Variants in TAS2R1 observed in about 807,000 individuals in gnomAD.
TAS2R1 encodes taste receptor type 2 member 1.
For missense variants in TAS2R1, 370 were observed against 353.4 expected, an observed-to-expected ratio of 1.05 and a Z score of -0.38; for synonymous variants, 141 against 134.2, an observed-to-expected ratio of 1.05 and a Z score of -0.35.
chr5:9,879,212 G>A, the TAS2R1 span, among the ~76,000 whole-genome samples: 189 of 152,344 alleles, frequency 1.2e-3, 2 homozygotes, highest in African/African-American at 4.4e-3. Context: ...TGAACAAACT[G>A]TCAACATATT....
chr5:9,835,721 G>A, the TAS2R1 span, among the ~76,000 whole-genome samples: 1 of 152,128 alleles, frequency 6.6e-6, no homozygotes, highest in Admixed American at 6.5e-5. Flanking sequence ...AAGCCTGGGA[G>A]GGCCTGGGTT....
chr5:9,636,496 A>G (rs982992206), intron 2 of TAS2R1, among the ~76,000 whole-genome samples: 1 of 151,792 alleles, frequency 6.6e-6, no homozygotes, highest in African/African-American at 2.4e-5. Flanking sequence ...TTCTTTGTTG[A>G]CTTTCTGTCT....
the TAS2R1 span, among the ~76,000 whole-genome samples, chr5:9,842,168 T>C: frequency 1.1e-3 from 161 of 150,788 alleles, 2 homozygotes; most frequent in Non-Finnish European, 3.1e-4. Context: ...GTCCTTTGTT[T>C]TTTCTTAGTC....
the TAS2R1 span, among the ~76,000 whole-genome samples, chr5:9,850,359 T>C: frequency 2.6e-5 from 4 of 152,352 alleles, no homozygotes; most frequent in Admixed American, 6.5e-5. Context: ...TTTCAATTTA[T>C]GGCAAGCATT....
chr5:9,883,934 C>A, the TAS2R1 span: 3 of 152,302 alleles, frequency 2.0e-5, no homozygotes, highest in East Asian at 5.8e-4. Context: ...GTTCTGGAGG[C>A]TAGGCAGTCC....
chr5:9,885,114 C>T, the TAS2R1 span, among the ~76,000 whole-genome samples: 2 of 152,178 alleles, frequency 1.3e-5, no homozygotes, highest in African/African-American at 2.4e-5. Context: ...ATAAGTGACT[C>T]GCCCAAGGTC....
At chr5:9,695,706 G>C (rs1448361299) in intron 1 of TAS2R1, among the ~76,000 whole-genome samples, 1 of 152,074 alleles carries the variant, frequency 6.6e-6, no homozygotes, top group Non-Finnish European at 1.5e-5. Context: ...ACCAAACACT[G>C]AGAAAGTACT....
rs373699443 is a variant in TAS2R1, at chr5:9,686,929, G to T, written c.-242+25243C>A. 3.3e-5 allele frequency among the ~76,000 whole-genome samples: 5 copies of T among 152,108 alleles called. No individual in the cohort carries two copies. The East Asian group carries it at 9.7e-4, about 29-fold the overall frequency. On this transcript the variant is annotated intron_variant, in intron 1 of 2. Coordinates refer to the TAS2R1 transcript ENST00000506620. ...TTATAACTTGGTAACTGTACTTGTG[G>T]ATTATTTTATTTTCTTCTATGTGTC...
intron 1 of TAS2R1, among the ~76,000 whole-genome samples, chr5:9,710,231 C>T (rs1741702255): frequency 6.6e-6 from 1 of 152,024 alleles, no homozygotes; most frequent in Admixed American, 6.6e-5. Flanking sequence ...CTCCAACTCA[C>T]TGAGAGGATT....
the TAS2R1 span, among the ~76,000 whole-genome samples, chr5:9,726,078 G>C: frequency 6.6e-6 from 1 of 151,942 alleles, no homozygotes; most frequent in Non-Finnish European, 1.5e-5. Flanking sequence ...TAACTACTCT[G>C]GTGGGGCCTT....
At chr5:9,886,650 T>C in the TAS2R1 span, among the ~76,000 whole-genome samples, 2 of 152,126 alleles carry the variant, frequency 1.3e-5, no homozygotes, top group Non-Finnish European at 2.9e-5. Context: ...TATATAATTG[T>C]TAAAACAAGC....
chr5:9,703,348 T>A (rs41479), intron 1 of TAS2R1, among the ~76,000 whole-genome samples: 27,645 of 152,142 alleles, frequency 0.18, 3,125 homozygotes, highest in Admixed American at 0.31. Flanking sequence ...TTAAAAACAA[T>A]AACTAAGTCT....
the TAS2R1 span, among the ~76,000 whole-genome samples, chr5:9,822,862 G>T: frequency 6.6e-6 from 1 of 151,840 alleles, no homozygotes; most frequent in South Asian, 2.1e-4. Context: ...TAAAAATTGT[G>T]CTACAATAAA....
the TAS2R1 span, among the ~76,000 whole-genome samples, chr5:9,840,577 T>C: frequency 6.6e-6 from 1 of 152,252 alleles, no homozygotes; most frequent in East Asian, 1.9e-4. Context: ...ATTGTTGTCA[T>C]GCATTTTAAT....
the TAS2R1 span, among the ~76,000 whole-genome samples, chr5:9,875,425 T>G: frequency 2.6e-5 from 4 of 152,344 alleles, no homozygotes; most frequent in African/African-American, 9.6e-5. Context: ...TGGAGTCTTG[T>G]CTGGGGAGAC....
chr5:9,679,166 A>C (rs1471873837), intron 1 of TAS2R1, among the ~76,000 whole-genome samples: 1 of 152,222 alleles, frequency 6.6e-6, no homozygotes, highest in Non-Finnish European at 1.5e-5. Context: ...CAAAAGTATA[A>C]GGATGGTAAA....
chr5:9,768,296 C>G, the TAS2R1 span, among the ~76,000 whole-genome samples: 7 of 152,194 alleles, frequency 4.6e-5, no homozygotes, highest in Admixed American at 2.0e-4. Context: ...CTCTCTCACA[C>G]ATTTGCTCTG....
At chr5:9,750,861 T>A in the TAS2R1 span, among the ~76,000 whole-genome samples, 1 of 152,094 alleles carries the variant, frequency 6.6e-6, no homozygotes, top group African/African-American at 2.4e-5. Flanking sequence ...GCAATATTGA[T>A]TGGATGTATC....
the TAS2R1 span, among the ~76,000 whole-genome samples, chr5:9,742,353 T>C: frequency 2.0e-5 from 3 of 152,190 alleles, 1 homozygote; most frequent in South Asian, 6.2e-4. Flanking sequence ...ACTACATCCC[T>C]GCTCCTAAGT....
Sources: gnomAD v4.1 joint callset for allele counts (sites outside exome capture counted in the v4.1 genomes callset) on GRCh38, gnomAD v4.1.1 for gene constraint, MANE v1.5 for transcripts, NCBI Gene and HGNC (gene_info 2026-07-23, HGNC 2026-07-21) for gene names.